The following PAXIP1 variants were observed in gnomAD, a reference collection of about 807,000 sequenced individuals.
The protein encoded by PAXIP1 is PAX-interacting protein 1.
PAXIP1 carries 19 observed loss-of-function variants against 140.6 expected under a neutral mutation model. The ratio of observed to expected loss-of-function variants is 0.14; its 90% confidence interval spans 0.09 to 0.20. The LOEUF (loss-of-function observed/expected upper bound fraction) is 0.20, where lower values mean the gene tolerates loss of function less well. PAXIP1 is among the 10% of genes least tolerant of loss of function. PAXIP1 has a pLI of 1.00. For missense variants in PAXIP1, 920 were observed against 1,208.6 expected (o/e 0.76, Z 3.54); for synonymous variants, 442 against 444.6 (o/e 0.99, Z 0.07).
At chr7:154,962,130 T>C (rs1808780416) in intron 10 of PAXIP1, among the ~76,000 whole-genome samples, 191 bp downstream of exon 10, 1 of 152,236 alleles carries the variant, frequency 6.6e-6, no homozygotes, top group Admixed American at 6.5e-5. Context: ...TGCAGAAAAT[T>C]GTGACTGTTA....
At chr7:154,999,474 A>G (rs1337835937) in intron 1 of PAXIP1, among the ~76,000 whole-genome samples, 1 of 152,208 alleles carries the variant, frequency 6.6e-6, no homozygotes, top group Admixed American at 6.5e-5. Context: ...CTAGATGACT[A>G]AAGACAAGAG....
intron 5 of PAXIP1, among the ~76,000 whole-genome samples, chr7:154,982,870 C>T (rs770275882): frequency 1.8e-4 from 27 of 151,624 alleles, no homozygotes; most frequent in Non-Finnish European, 3.5e-4. Flanking sequence ...ATACAAGGTT[C>T]TTAAAAAAAA....
At chr7:154,968,091 C>T (rs1809103945) in intron 7 of PAXIP1, among the ~76,000 whole-genome samples, 181 bp from the exon 8 acceptor site, 1 of 152,178 alleles carries the variant, frequency 6.6e-6, no homozygotes, top group Non-Finnish European at 1.5e-5. Context: ...TAACTGTCTA[C>T]ATCAAATGAT....
Position 154,967,817 on chromosome 7 carries a change from CT to C in PAXIP1, c.1891del (p.Arg631GlyfsTer2). 1.9e-6 allele frequency: 3 copies of C among 1,609,640 alleles called. No individual in the cohort carries two copies. Among genetic ancestry groups the C allele is most frequent in the Non-Finnish European group, 2.6e-6 (3 of 1,175,982 alleles). On this transcript the variant is annotated frameshift_variant and splice_region_variant, in exon 8 of 21. Transcript: ENST00000404141. LOFTEE classifies it high-confidence loss of function. ...SDKQLLATWK[R>X]IIQAHGGTVD... Reference sequence around the variant, plus strand: ...TCCTTCCTCCAGGCACAATCTCACCCTTTTCCAGGTGGCCAGCAGTTGCTTA... The same window carrying C: ...TCCTTCCTCCAGGCACAATCTCACCCTTTCCAGGTGGCCAGCAGTTGCTTA...
chr7:154,966,601 T>C (rs1431596781), intron 8 of PAXIP1, among the ~76,000 whole-genome samples: 1 of 152,218 alleles, frequency 6.6e-6, no homozygotes, highest in Non-Finnish European at 1.5e-5. Context: ...CTCAAGACAG[T>C]TTCTCAGTGC....
intron 1 of PAXIP1, 35 bp downstream of exon 1, chr7:155,002,814 G>T: frequency 8.0e-7 from 1 of 1,246,448 alleles, no homozygotes; most frequent in Non-Finnish European, 1.1e-6. Flanking sequence ...GGACGCGGAC[G>T]GGGGAGGAGG....
Position 154,957,441 on chromosome 7 carries a change from C to T in PAXIP1, c.2479-147G>A, listed in dbSNP as rs73728520. On this transcript the variant is annotated intron_variant, in intron 13 of 20. Coordinates refer to ENST00000404141, the MANE Select transcript of PAXIP1 (RefSeq NM_007349.4). ...TCACCACATCAGAACTAGTCTTCAC[C>T]TCAAAAGATCACTAGGACAATGCAA... The T allele has an allele frequency of 2.8e-3, 1,308 of 469,016 alleles. 20 individuals are homozygous for T. Among genetic ancestry groups the T allele is most frequent in the African/African-American group, 0.023 (1,171 of 50,004 alleles). 29.1% of individuals were successfully genotyped at this position (469,016 alleles called of 1,614,324 possible).
intron 16 of PAXIP1, chr7:154,949,986 T>C (rs1808200893): frequency 6.6e-6 from 1 of 152,192 alleles, no homozygotes; most frequent in Admixed American, 6.5e-5. Flanking sequence ...CATTGAGATT[T>C]TGGTTTTTTC....
At chr7:155,002,282 G>A (rs1482385023) in intron 1 of PAXIP1, among the ~76,000 whole-genome samples, 3 of 152,190 alleles carry the variant, frequency 2.0e-5, no homozygotes, top group East Asian at 1.9e-4. Context: ...CAGCCCCCAC[G>A]TGCAGGGACA....
At position 154,976,217 on chromosome 7, in the gene PAXIP1, G is replaced by A. The variant is rs759964207; in HGVS notation, c.553C>T (p.Leu185=). ...TCTTCTTCCTCTTCATAAATAATCA[G>A]ACGAGGATGATAAAATGCTTCGTCC... ...KKDEAFYHPR[L]IIYEEEEEEE... The change falls in exon 6 of 21, where the codon CTG becomes TTG. Residue 185 remains leucine (L), a synonymous_variant. Transcript: ENST00000404141. 3.1e-6 allele frequency: 5 copies of A among 1,613,434 alleles called. No individual in the cohort carries two copies. In the African/African-American group the frequency reaches 6.7e-5, roughly 22 times the overall value.
chr7:155,002,257 A>C lies in PAXIP1; in HGVS notation c.81+592T>G, dbSNP rs1481707986. Among the ~76,000 whole-genome samples the C allele has an allele frequency of 2.0e-5, 3 of 152,236 alleles. No homozygotes were observed. The East Asian group carries it at 5.8e-4, about 29-fold the overall frequency. On this transcript the variant is annotated intron_variant, in intron 1 of 20. Transcript: ENST00000404141. ...AATTAATCGTCCAAGTGGGAAAATCAAGGAAGACGAATGCCAGCCCCCACG... is the reference window on the plus strand; with the variant it reads ...AATTAATCGTCCAAGTGGGAAAATCCAGGAAGACGAATGCCAGCCCCCACG...
Position 154,969,044 on chromosome 7 carries a change from G to T in PAXIP1, c.1157C>A (p.Ala386Glu). 6.5e-7 allele frequency: 1 copy of T among 1,540,492 alleles called. No homozygotes were observed. The highest frequency in any genetic ancestry group is 8.8e-7 in the Non-Finnish European group (1 of 1,139,526). The change falls in exon 7 of 21, where the codon GCA (alanine) becomes GAA (glutamate). Residue 386 changes from alanine to glutamate, a missense_variant. Physicochemically the swap from Ala to Glu is moderately radical, Grantham distance 107 (BLOSUM62 -1). Transcript: ENST00000404141. ...HSQQGHTNAN[A>E]VLFSQVKVTP... ...CACTTTCACTTGGCTAAACAGCACT[G>T]CATTGGCATTTGTATGTCCCTGCTG...
rs1410194122 is a variant in PAXIP1, at chr7:154,973,043, C to T, written c.1074+2653G>A. On this transcript the variant is annotated intron_variant, in intron 6 of 20. Coordinates refer to ENST00000404141, the MANE Select transcript of PAXIP1 (RefSeq NM_007349.4). The surrounding 1 kb of genome is among the most constrained non-coding windows in gnomAD (Gnocchi z 4.0). ...GCGGATGTGCAGGGACCAGGGCCGG[C>T]ACCCTCAGCATTGGGCGGTGCTGGA... Among the ~76,000 whole-genome samples the T allele has an allele frequency of 6.6e-6, 1 of 152,242 alleles. No homozygotes were observed. The highest frequency in any genetic ancestry group is 2.1e-4 in the South Asian group (1 of 4,836).
At chr7:154,991,377 T>C (rs756190740) in intron 3 of PAXIP1, among the ~76,000 whole-genome samples, 6 of 152,196 alleles carry the variant, frequency 3.9e-5, no homozygotes, top group African/African-American at 7.2e-5. Context: ...TATATACAAA[T>C]ATATAAACAC....
In PAXIP1 at chr7:154,986,993, GA is replaced by G. The variant is rs2150777538; in HGVS notation, c.325-3662del. Among the ~76,000 whole-genome samples the G allele has an allele frequency of 2.0e-5, 3 of 152,330 alleles. No individual in the cohort carries two copies. Among genetic ancestry groups the G allele is most frequent in the East Asian group, 3.9e-4 (2 of 5,186 alleles). On this transcript the variant is annotated intron_variant, in intron 4 of 20. Coordinates refer to ENST00000404141, the MANE Select transcript of PAXIP1 (RefSeq NM_007349.4). This position sits in a 1 kb window ranked among gnomAD's most constrained non-coding sequence, Gnocchi z 4.8. ...CAAGGTAAAATTGGACCTTTCACCT[GA>G]CAGTGGGTGAGCAGAGCCCCTTCCC...
At position 155,002,852 on chromosome 7, in the gene PAXIP1, C is replaced by A; in HGVS notation, c.78G>T (p.Pro26=). The A allele has an allele frequency of 7.2e-6, 10 of 1,392,976 alleles. No homozygotes were observed. The highest frequency in any genetic ancestry group is 9.5e-6 in the Non-Finnish European group (10 of 1,053,756). The allele number at this position is 1,392,976 out of a possible 1,614,324, so 86.3% of individuals were successfully genotyped here. Residue 26 remains proline (P), a synonymous_variant, in exon 1 of 21, where the codon CCG becomes CCT. Transcript: ENST00000404141. ...GCGGCAGGGGCGGGCGCGGTACCTG[C>A]GGGTCGATGTCGCCCACCGCGTAAT... ...VKYYAVGDID[P]QVIQLLKAGK...
Position 154,975,897 on chromosome 7 carries a change from G to C in PAXIP1, c.873C>G (p.Asn291Lys). ...GGACGGGTGGGACATTGGCACACAA[G>C]TTAATCAACCCAGGCTCCTTTCCCT... ...LPQGKEPGLI[N>K]LCANVPPVPG... Residue 291 changes from asparagine (N) to lysine (K), a missense_variant, in exon 6 of 21, where the codon AAC becomes AAG. Physicochemically the swap from Asn to Lys is moderately conservative, Grantham distance 94. Coordinates refer to ENST00000404141, the MANE Select transcript of PAXIP1 (RefSeq NM_007349.4). 6.2e-7 allele frequency: 1 copy of C among 1,614,004 alleles called. No homozygotes were observed. Among genetic ancestry groups the C allele is most frequent in the Non-Finnish European group, 8.5e-7 (1 of 1,179,884 alleles).
At chr7:154,962,771 G>A (rs1432230102) in intron 9 of PAXIP1, 2 of 182,814 alleles carry the variant, frequency 1.1e-5, no homozygotes, top group Admixed American at 5.8e-5. Flanking sequence ...TGCCCCATAA[G>A]GACAGAGGGC....
chr7:154,947,632 A>C (rs1808054263), intron 17 of PAXIP1: 1 of 338,592 alleles, frequency 3.0e-6, no homozygotes, highest in Non-Finnish European at 5.4e-6. Flanking sequence ...CTATTCTTTG[A>C]ATAACTTATT....
Sources: gnomAD v4.1 joint callset for allele counts (sites outside exome capture counted in the v4.1 genomes callset) on GRCh38, gnomAD v4.1.1 for gene constraint, Gnocchi (gnomAD v3.1) non-coding constraint, MANE v1.5 for transcripts, NCBI Gene and HGNC (gene_info 2026-07-23, HGNC 2026-07-21) for gene names.